ARIH1: variants seen among roughly 807,000 people sequenced by gnomAD.
The protein encoded by ARIH1 is ariadne RBR E3 ubiquitin protein ligase 1.
In ARIH1, 8 loss-of-function variants were observed where a neutral mutation model predicts 85.0. The observed-to-expected ratio is 0.09, with a 90% CI of 0.06 to 0.17. The LOEUF (loss-of-function observed/expected upper bound fraction) is 0.17. Ranked by LOEUF, ARIH1 falls within the 10% of genes least tolerant of loss-of-function variation. ARIH1 has a pLI of 1.00. For synonymous variants in ARIH1, 238 were observed against 253.6 expected (o/e 0.94, Z 0.59); for missense variants, 311 against 718.1 (o/e 0.43, Z 6.48).
Position 72,601,687 on chromosome 15 carries a change from T to C in ARIH1, c.*18395T>C, listed in dbSNP as rs981026652. The C allele has an allele frequency of 1.3e-5, 2 of 152,222 alleles. No individual in the cohort carries two copies. The highest frequency in any genetic ancestry group is 1.3e-4 in the Admixed American group (2 of 15,282). The allele number at this position is 152,222 out of a possible 1,614,324, so 9.4% of individuals were successfully genotyped here. A position where few individuals can be genotyped will look rare whatever the true frequency, so the allele number is the denominator to read the frequency against. On this transcript the variant is annotated 3_prime_UTR_variant, in exon 14 of 14. Coordinates refer to ENST00000379887, the MANE Select transcript of ARIH1 (RefSeq NM_005744.5). ...CTAACTGTTCTATATTTCTCCTTCTTAGCATTTATCACAATTCTTGGTATG... is the reference window on the plus strand; with the variant it reads ...CTAACTGTTCTATATTTCTCCTTCTCAGCATTTATCACAATTCTTGGTATG...
intron 10 of ARIH1, 105 bp from the exon 11 acceptor site, chr15:72,572,003 G>A (rs964875451): frequency 4.4e-5 from 33 of 749,070 alleles, no homozygotes; most frequent in Non-Finnish European, 6.4e-5. Context: ...AAAAGATAAC[G>A]TTGGTGTTAG....
intron 3 of ARIH1, among the ~76,000 whole-genome samples, chr15:72,550,401 T>C (rs1223148159): frequency 6.6e-6 from 1 of 152,214 alleles, no homozygotes; most frequent in Non-Finnish European, 1.5e-5. Context: ...GAAAAAAGAA[T>C]GAAGCACATA....
intron 7 of ARIH1, among the ~76,000 whole-genome samples, chr15:72,565,311 A>T (rs908138492): frequency 7.2e-5 from 11 of 152,004 alleles, no homozygotes; most frequent in Non-Finnish European, 1.0e-4. Flanking sequence ...GCTGGTCTTG[A>T]ACTCCTGGCC....
At chr15:72,485,723 C>G (rs1371012378) in intron 1 of ARIH1, among the ~76,000 whole-genome samples, 1 of 152,056 alleles carries the variant, frequency 6.6e-6, no homozygotes, top group African/African-American at 2.4e-5. Flanking sequence ...TGCTGTCTTT[C>G]TTATAATAGG....
chr15:72,589,084 T>A lies in ARIH1; in HGVS notation c.*5792T>A, dbSNP rs1192419046. On this transcript the variant is annotated 3_prime_UTR_variant, in exon 14 of 14. Coordinates refer to ENST00000379887, the MANE Select transcript of ARIH1 (RefSeq NM_005744.5). ...CCCTTTTGTAAAATGGGAATACTAA[T>A]AGGAACTGTAATTTGTTGAGTGCTT... 7 of 152,212 alleles carry A rather than the reference T, an allele frequency of 4.6e-5. No individual in the cohort carries two copies. The highest frequency in any genetic ancestry group is 7.3e-5 in the Non-Finnish European group (5 of 68,036). The allele number at this position is 152,212 out of a possible 1,614,324, so 9.4% of individuals were successfully genotyped here.
rs1272514244 is a variant in ARIH1, at chr15:72,584,342, C to G, written c.*1050C>G. 6.6e-6 allele frequency: 1 copy of G among 152,212 alleles called. No individual in the cohort carries two copies. The highest frequency in any genetic ancestry group is 2.4e-5 in the African/African-American group (1 of 41,458). The allele number at this position is 152,212 out of a possible 1,614,324, so 9.4% of individuals were successfully genotyped here. ...CATGGCATCATGCCTCTACCCAAGC[C>G]TTTGTGTGCCCATGTTATGCACACA... On this transcript the variant is annotated 3_prime_UTR_variant, in exon 14 of 14. Transcript: ENST00000379887.
chr15:72,487,684 A>T (rs924869620), intron 1 of ARIH1, among the ~76,000 whole-genome samples: 3 of 151,154 alleles, frequency 2.0e-5, no homozygotes, highest in Non-Finnish European at 4.4e-5. Flanking sequence ...AATTTGTTTC[A>T]TGTTGTTGCT....
rs2064349857 is a variant in ARIH1, at chr15:72,593,247, G to T, written c.*9955G>T. On this transcript the variant is annotated 3_prime_UTR_variant, in exon 14 of 14. Coordinates refer to ENST00000379887, the MANE Select transcript of ARIH1 (RefSeq NM_005744.5). ...GTCTTTTCTCATTTTAAAGTTGGGT[G>T]TCTTTTTATTGTAGGTGTTATTCTT... The T allele has an allele frequency of 1.3e-5, 2 of 152,042 alleles. No individual in the cohort carries two copies. Among genetic ancestry groups the T allele is most frequent in the Admixed American group, 6.5e-5 (1 of 15,274 alleles). The allele number at this position is 152,042 out of a possible 1,614,324, so 9.4% of individuals were successfully genotyped here.
intron 2 of ARIH1, among the ~76,000 whole-genome samples, chr15:72,536,913 T>C (rs993500389): frequency 1.3e-5 from 2 of 152,184 alleles, no homozygotes; most frequent in African/African-American, 4.8e-5. Context: ...TAAAAAAAAT[T>C]AGGCTAATAA....
At chr15:72,571,296 A>T (rs1386124744) in intron 10 of ARIH1, among the ~76,000 whole-genome samples, 1 of 152,194 alleles carries the variant, frequency 6.6e-6, no homozygotes, top group East Asian at 1.9e-4. Flanking sequence ...TGTAAATTTT[A>T]TTCTTCATCT....
chr15:72,580,838 A>G lies in ARIH1; in HGVS notation c.1323A>G (p.Lys441=). 1.2e-6 allele frequency: 2 copies of G among 1,614,146 alleles called. No homozygotes were observed. The highest frequency in any genetic ancestry group is 1.7e-6 in the Non-Finnish European group (2 of 1,180,006). Residue 441 remains lysine, a synonymous_variant, in exon 12 of 14, where the codon AAA becomes AAG. Transcript: ENST00000379887. ...AACTATATGCTCAGGTGAAACAGAA[A>G]ATGGAGGAGATGCAGCAGCACAACA... is the stretch of plus-strand genomic sequence containing the variant. ...EHKLYAQVKQ[K]MEEMQQHNMS...
At chr15:72,542,386 C>T (rs1435021773) in intron 2 of ARIH1, among the ~76,000 whole-genome samples, 1 of 152,130 alleles carries the variant, frequency 6.6e-6, no homozygotes, top group Non-Finnish European at 1.5e-5. Context: ...GCATACTGAA[C>T]TTAATAGGGA....
At chr15:72,574,934 A>G (rs1040287187) in intron 11 of ARIH1, among the ~76,000 whole-genome samples, 1 of 134,204 alleles carries the variant, frequency 7.5e-6, no homozygotes, top group Non-Finnish European at 1.6e-5. Flanking sequence ...AAAAAAAAAC[A>G]AAGAAGGTTT....
rs577062248 is a variant in ARIH1, at chr15:72,584,917, G to A, written c.*1625G>A. 1.3e-5 allele frequency: 2 copies of A among 150,418 alleles called. No homozygotes were observed. The highest frequency in any genetic ancestry group is 4.9e-5 in the African/African-American group (2 of 40,730). The allele number at this position is 150,418 out of a possible 1,614,324, so 9.3% of individuals were successfully genotyped here. A position where few individuals can be genotyped will look rare whatever the true frequency, so the allele number is the denominator to read the frequency against. On this transcript the variant is annotated 3_prime_UTR_variant, in exon 14 of 14. Coordinates refer to ENST00000379887, the MANE Select transcript of ARIH1 (RefSeq NM_005744.5). ...GTGAACTAGGCAACTAGATTAAGAG[G>A]TCTAAATATGAAATACCAGTTGAGG...
chr15:72,512,758 C>T (rs984816328), intron 1 of ARIH1, among the ~76,000 whole-genome samples: 3 of 151,556 alleles, frequency 2.0e-5, no homozygotes, highest in African/African-American at 4.9e-5. Flanking sequence ...TTGAGATTTC[C>T]TCTTTCAAGC....
rs11385438 is a variant in ARIH1 at position 72,578,816 on chromosome 15, G to GTTTT, written c.1216-1914_1216-1911dup. Among the ~76,000 whole-genome samples the GTTTT allele has an allele frequency of 1.5e-4, 21 of 140,944 alleles. 4 individuals carry two copies. Among genetic ancestry groups the GTTTT allele is most frequent in the African/African-American group, 2.3e-4 (9 of 38,726 alleles). 92.5% of individuals were successfully genotyped at this position (140,944 alleles called of 152,430 possible). On this transcript the variant is annotated intron_variant, in intron 11 of 13. Transcript: ENST00000379887. The stretch of plus-strand genomic sequence containing the variant: ...ATTTTGCTTTTTTTTGTTTTTTGGT[G>GTTTT]TTTTGTTTTTTTTTTTCAGAGGTAG...
intron 3 of ARIH1, among the ~76,000 whole-genome samples, chr15:72,554,064 A>G (rs567432657): frequency 1.1e-4 from 17 of 152,252 alleles, no homozygotes; most frequent in Admixed American, 3.9e-4. Flanking sequence ...ATTTCCTTTT[A>G]TGGCTGAATA....
chr15:72,531,166 A>G (rs1291624993), intron 2 of ARIH1, among the ~76,000 whole-genome samples: 1 of 152,192 alleles, frequency 6.6e-6, no homozygotes, highest in East Asian at 1.9e-4. Context: ...CTCGTGAAAA[A>G]TTTTCCATGT....
At chr15:72,538,361 C>G (rs545428455) in intron 2 of ARIH1, among the ~76,000 whole-genome samples, 1 of 152,184 alleles carries the variant, frequency 6.6e-6, no homozygotes, top group African/African-American at 2.4e-5. Flanking sequence ...CTCCCTCTCC[C>G]CCGCAAATAA....
Sources: gnomAD v4.1 joint callset for allele counts (sites outside exome capture counted in the v4.1 genomes callset) on GRCh38, gnomAD v4.1.1 for gene constraint, MANE v1.5 for transcripts, NCBI Gene and HGNC (gene_info 2026-07-23, HGNC 2026-07-21) for gene names.